Variants in RAP1GDS1 observed in about 807,000 individuals in gnomAD.
RAP1GDS1 encodes Rap1 GTPase-GDP dissociation stimulator 1.
RAP1GDS1 carries 35 observed loss-of-function variants against 71.1 expected under a neutral mutation model. That is an observed-to-expected ratio of 0.49 (90% CI 0.38 to 0.65). RAP1GDS1 has a LOEUF of 0.65. Ranked by LOEUF, RAP1GDS1 falls within the 30% of genes least tolerant of loss-of-function variation. The probability of loss-of-function intolerance (pLI) is 0.00; values close to 1 mark genes in which losing one functional copy is unlikely to be tolerated. For missense variants in RAP1GDS1, 663 were observed against 706.1 expected, an observed-to-expected ratio of 0.94 and a Z score of 0.69; for synonymous variants, 229 against 243.1, an observed-to-expected ratio of 0.94 and a Z score of 0.54.
chr4:98,361,968 A>G (rs1738813955), intron 4 of RAP1GDS1, among the ~76,000 whole-genome samples: 1 of 152,112 alleles, frequency 6.6e-6, no homozygotes. Flanking sequence ...CTAGTCTTTC[A>G]GGGATTTTGC....
chr4:98,280,058 G>A (rs193202082), intron 1 of RAP1GDS1, among the ~76,000 whole-genome samples: 2 of 152,214 alleles, frequency 1.3e-5, no homozygotes, highest in Admixed American at 6.5e-5. Flanking sequence ...GAATAGTGCC[G>A]CAATAAACAT....
chr4:98,302,302 C>T (rs72894301), intron 2 of RAP1GDS1, among the ~76,000 whole-genome samples: 22,375 of 151,958 alleles, frequency 0.15, 2,453 homozygotes, highest in African/African-American at 0.31. Flanking sequence ...AGATGTGAAA[C>T]TAGAGTTGAC....
At chr4:98,319,688 C>T (rs922569543) in intron 2 of RAP1GDS1, among the ~76,000 whole-genome samples, 1 of 146,844 alleles carries the variant, frequency 6.8e-6, no homozygotes, top group Non-Finnish European at 1.5e-5. Flanking sequence ...GGTTGAGGCA[C>T]AGGAATCGCT....
intron 11 of RAP1GDS1, among the ~76,000 whole-genome samples, chr4:98,421,027 T>A (rs1347491111): frequency 2.0e-5 from 3 of 152,230 alleles, no homozygotes; most frequent in African/African-American, 7.2e-5. Flanking sequence ...CTAGCAGGCT[T>A]AACCAAAAGA....
chr4:98,381,717 A>G (rs1742047485), intron 5 of RAP1GDS1, among the ~76,000 whole-genome samples: 1 of 151,648 alleles, frequency 6.6e-6, no homozygotes, highest in Non-Finnish European at 1.5e-5. Context: ...AGTGACAAAT[A>G]GCTTTTTCCT....
At chr4:98,416,321 A>T in intron 7 of RAP1GDS1, among the ~76,000 whole-genome samples, 1 of 132,286 alleles carries the variant, frequency 7.6e-6, no homozygotes, top group African/African-American at 2.9e-5. Flanking sequence ...TATCTAAATC[A>T]TGCATTTTCT....
chr4:98,325,756 A>G (rs1003363628), intron 2 of RAP1GDS1, among the ~76,000 whole-genome samples: 26 of 119,506 alleles, frequency 2.2e-4, no homozygotes, highest in Non-Finnish European at 4.2e-4. Flanking sequence ...GGAATATCAC[A>G]CTCTGGGGAC....
chr4:98,393,710 G>C (rs1744082302), intron 6 of RAP1GDS1, among the ~76,000 whole-genome samples: 1 of 152,070 alleles, frequency 6.6e-6, no homozygotes, highest in Non-Finnish European at 1.5e-5. Flanking sequence ...GGCTTAATGG[G>C]CATTGAAATA....
At chr4:98,264,737 A>G (rs1722501430) in intron 1 of RAP1GDS1, among the ~76,000 whole-genome samples, 2 of 152,230 alleles carry the variant, frequency 1.3e-5, no homozygotes, top group Admixed American at 1.3e-4. Context: ...TTTTAGAGAA[A>G]TGGTGTTATT....
At chr4:98,337,138 G>A (rs1003561066) in intron 2 of RAP1GDS1, among the ~76,000 whole-genome samples, 7 of 151,992 alleles carry the variant, frequency 4.6e-5, no homozygotes, top group Admixed American at 1.3e-4. Context: ...CAACTGATCC[G>A]CCCACCTTGG....
intron 1 of RAP1GDS1, among the ~76,000 whole-genome samples, chr4:98,284,905 G>A (rs1725752775): frequency 6.6e-6 from 1 of 152,144 alleles, no homozygotes; most frequent in South Asian, 2.1e-4. Flanking sequence ...TGAATGAACT[G>A]TTAGATGATT....
chr4:98,323,687 A>G (rs1297764894), intron 2 of RAP1GDS1, among the ~76,000 whole-genome samples: 1 of 139,580 alleles, frequency 7.2e-6, no homozygotes, highest in Non-Finnish European at 1.5e-5. Flanking sequence ...GATTATCTCA[A>G]TAGATGCAGA....
intron 6 of RAP1GDS1, among the ~76,000 whole-genome samples, chr4:98,395,150 G>A (rs529158920): frequency 3.3e-5 from 5 of 152,040 alleles, no homozygotes; most frequent in Admixed American, 3.3e-4. Context: ...AAGAGAACTT[G>A]AATTCTGACA....
At chr4:98,412,061 A>G (rs1747147380) in intron 7 of RAP1GDS1, among the ~76,000 whole-genome samples, 1 of 152,198 alleles carries the variant, frequency 6.6e-6, no homozygotes. Flanking sequence ...AAATTTTAAC[A>G]CATTAAAATT....
Position 98,404,482 on chromosome 4 carries a change from A to G in RAP1GDS1, c.643A>G (p.Ser215Gly). Residue 215 changes from serine to glycine, a missense_variant, in exon 7 of 15, where the codon AGT (serine) becomes GGT (glycine). Ser to Gly is a moderately conservative substitution (Grantham distance 56). Transcript: ENST00000408927. The part of the protein sequence containing the change: ...AFGNLAELES[S>G]KEQFASTNIA... ...TTTTCTTTTTTATTTTACAGAGTCAAGTAAAGAACAGTTTGCCAGTACAAA... is the reference window on the plus strand; with the variant it reads ...TTTTCTTTTTTATTTTACAGAGTCAGGTAAAGAACAGTTTGCCAGTACAAA... The G allele has an allele frequency of 1.3e-6, 2 of 1,589,146 alleles. No homozygotes were observed. The highest frequency in any genetic ancestry group is 1.7e-6 in the Non-Finnish European group (2 of 1,172,834).
At chr4:98,364,197 C>G (rs1739157908) in intron 4 of RAP1GDS1, among the ~76,000 whole-genome samples, 1 of 152,062 alleles carries the variant, frequency 6.6e-6, no homozygotes, top group Admixed American at 6.6e-5. Flanking sequence ...CTGCATTTAG[C>G]AAAATGTTGT....
chr4:98,278,763 C>G (rs1724602423), intron 1 of RAP1GDS1, among the ~76,000 whole-genome samples: 2 of 152,102 alleles, frequency 1.3e-5, no homozygotes, highest in Non-Finnish European at 2.9e-5. Flanking sequence ...GGAAATAATA[C>G]AAATTTTAAT....
intron 1 of RAP1GDS1, among the ~76,000 whole-genome samples, chr4:98,286,886 T>TAAAAAAAA (rs778410316): frequency 1.0e-4 from 9 of 90,148 alleles, no homozygotes; most frequent in African/African-American, 1.2e-4. Flanking sequence ...AACTCCGTCT[T>TAAAAAAAA]AAAAAAAAAA....
At chr4:98,356,536 T>C (rs1349536638) in intron 4 of RAP1GDS1, among the ~76,000 whole-genome samples, 3 of 152,084 alleles carry the variant, frequency 2.0e-5, no homozygotes, top group African/African-American at 4.8e-5. Flanking sequence ...TTAAAAGATA[T>C]TAGTAGAGGC....
Sources: gnomAD v4.1 joint callset for allele counts (sites outside exome capture counted in the v4.1 genomes callset) on GRCh38, gnomAD v4.1.1 for gene constraint, MANE v1.5 for transcripts, NCBI Gene and HGNC (gene_info 2026-07-23, HGNC 2026-07-21) for gene names.